CLSTN2: variants seen among roughly 807,000 people sequenced by gnomAD.
CLSTN2 encodes calsyntenin 2.
Under a neutral mutation model 101.2 loss-of-function variants are expected in CLSTN2, and 48 were observed. That is an observed-to-expected ratio of 0.47 (90% CI 0.38 to 0.60). The LOEUF (loss-of-function observed/expected upper bound fraction) is 0.60. Ranked by LOEUF, CLSTN2 falls within the 20% of genes least tolerant of loss-of-function variation. The pLI is 0.00. For missense variants in CLSTN2, 1,160 were observed against 1,238.2 expected (o/e 0.94, Z 0.95); for synonymous variants, 481 against 463.6 (o/e 1.04, Z -0.48).
In CLSTN2 at chr3:140,562,908, G is replaced by C; in HGVS notation, c.2310G>C (p.Lys770Asn). The C allele has an allele frequency of 4.3e-6, 7 of 1,614,164 alleles. No individual in the cohort carries two copies. In the South Asian group the frequency reaches 5.5e-5, roughly 13 times the overall value. Residue 770 changes from lysine (K) to asparagine (N), a missense_variant, in exon 14 of 17, where the codon AAG becomes AAC. Coordinates refer to ENST00000458420, the MANE Select transcript of CLSTN2 (RefSeq NM_022131.3). ...ASLEARRFRI[K>N]CSELNGRYTS... is the part of the protein sequence containing the mutation. ...TTGAGGCCCGGCGTTTCCGGATTAA[G>C]TGCTCAGAACTCAATGGGCGCTACA... is the stretch of plus-strand genomic sequence containing the variant.
rs528350506 is a variant in CLSTN2, at chr3:140,263,077, C to CA, written c.232+87011dup. Reference sequence around the variant, plus strand: ...AAAAAAACCCCCAAGAGCAAGCAAACAAAAAAACATTACCCAATGAGAAGA... The same window carrying CA: ...AAAAAAACCCCCAAGAGCAAGCAAACAAAAAAAACATTACCCAATGAGAAGA... On this transcript the variant is annotated intron_variant, in intron 2 of 16. Transcript: ENST00000458420. Among the ~76,000 whole-genome samples, 12 of 149,188 alleles carry CA rather than the reference C, an allele frequency of 8.0e-5. No homozygotes were observed. The South Asian group carries it at 2.4e-3, about 29-fold the overall frequency.
At chr3:140,093,746 G>A (rs1433721521) in intron 1 of CLSTN2, among the ~76,000 whole-genome samples, 5 of 152,192 alleles carry the variant, frequency 3.3e-5, no homozygotes, top group Non-Finnish European at 7.3e-5. Context: ...GGCATAAGGT[G>A]AACATGGCTA....
At chr3:140,301,897 A>G (rs1052096215) in intron 2 of CLSTN2, among the ~76,000 whole-genome samples, 1 of 151,178 alleles carries the variant, frequency 6.6e-6, no homozygotes, top group Admixed American at 6.6e-5. Flanking sequence ...TCAAACCATT[A>G]TAGTATTTTT....
intron 2 of CLSTN2, among the ~76,000 whole-genome samples, chr3:140,232,376 C>T (rs1180308776): frequency 6.6e-6 from 1 of 152,052 alleles, no homozygotes; most frequent in Middle Eastern, 3.2e-3. Flanking sequence ...CTCTCCTGAT[C>T]CTCATTCCCT....
intron 1 of CLSTN2, among the ~76,000 whole-genome samples, chr3:140,108,407 C>A (rs1206358738): frequency 6.6e-6 from 1 of 152,202 alleles, no homozygotes; most frequent in Non-Finnish European, 1.5e-5. Flanking sequence ...GCCCATGGAA[C>A]CTGGGAAGCC....
At chr3:140,251,702 A>G (rs1244181457) in intron 2 of CLSTN2, among the ~76,000 whole-genome samples, 3 of 148,048 alleles carry the variant, frequency 2.0e-5, no homozygotes, top group Non-Finnish European at 4.4e-5. Flanking sequence ...AGCCAAGCCT[A>G]TGCTTCATGC....
At chr3:140,531,400 A>G (rs1159958524) in intron 8 of CLSTN2, among the ~76,000 whole-genome samples, 1 of 152,232 alleles carries the variant, frequency 6.6e-6, no homozygotes, top group Non-Finnish European at 1.5e-5. Context: ...TTCATGAGAA[A>G]CAGCATATTT....
chr3:140,334,451 C>T (rs866622919), intron 2 of CLSTN2, among the ~76,000 whole-genome samples: 1 of 152,334 alleles, frequency 6.6e-6, no homozygotes, highest in Middle Eastern at 3.4e-3. Context: ...ATTACTAGTA[C>T]ATTTGCTTTT....
intron 2 of CLSTN2, among the ~76,000 whole-genome samples, chr3:140,220,852 G>T (rs1159071451): frequency 6.6e-6 from 1 of 152,148 alleles, no homozygotes; most frequent in Non-Finnish European, 1.5e-5. Context: ...GCCTCTATGT[G>T]CCCGGGACTG....
intron 1 of CLSTN2, among the ~76,000 whole-genome samples, chr3:139,991,700 A>G (rs1284190263): frequency 3.9e-5 from 6 of 152,370 alleles, no homozygotes; most frequent in Admixed American, 2.6e-4. Flanking sequence ...GTTGTTTCAG[A>G]TGCAAGGGAT....
chr3:140,249,878 A>C (rs2086547756), intron 2 of CLSTN2, among the ~76,000 whole-genome samples: 1 of 152,168 alleles, frequency 6.6e-6, no homozygotes, highest in Non-Finnish European at 1.5e-5. Flanking sequence ...GCTCACCAAA[A>C]ACCCCTCACT....
chr3:140,214,507 T>A (rs2010897913), intron 2 of CLSTN2, among the ~76,000 whole-genome samples: 1 of 151,650 alleles, frequency 6.6e-6, no homozygotes, highest in Non-Finnish European at 1.5e-5. Flanking sequence ...CTAGCATGAG[T>A]AGGTGATCAG....
intron 2 of CLSTN2, among the ~76,000 whole-genome samples, chr3:140,280,262 C>A (rs1322926319): frequency 6.6e-6 from 1 of 152,140 alleles, no homozygotes; most frequent in African/African-American, 2.4e-5. Flanking sequence ...ATGTTCTCTC[C>A]CGTACCCCTG....
intron 1 of CLSTN2, among the ~76,000 whole-genome samples, chr3:140,137,993 A>G (rs1001990052): frequency 6.6e-6 from 1 of 152,208 alleles, no homozygotes; most frequent in African/African-American, 2.4e-5. Flanking sequence ...TAACATGCAC[A>G]GAACCATACG....
At chr3:140,278,255 C>G (rs979727381) in intron 2 of CLSTN2, among the ~76,000 whole-genome samples, 2 of 152,184 alleles carry the variant, frequency 1.3e-5, no homozygotes, top group Admixed American at 1.3e-4. Flanking sequence ...AGCTGGTCCT[C>G]AGGGTGTTAT....
In CLSTN2 at chr3:140,568,752, G is replaced by A. The variant is rs1314545415; in HGVS notation, c.*2499G>A. 5 of 152,170 alleles carry A rather than the reference G, an allele frequency of 3.3e-5. No homozygotes were observed. The highest frequency in any genetic ancestry group is 9.7e-5 in the African/African-American group (4 of 41,450). The allele number at this position is 152,170 out of a possible 1,614,324, so 9.4% of individuals were successfully genotyped here. On this transcript the variant is annotated 3_prime_UTR_variant, in exon 17 of 17. Transcript: ENST00000458420. ...TTTTCGATCTGGTTGGGTAGGGAAG[G>A]TGTTCCTCATGCTCTCTGGGTGGCT...
At chr3:140,016,793 G>GAAAAAAAAAAAAAAAAAA (rs56040791) in intron 1 of CLSTN2, among the ~76,000 whole-genome samples, 1 of 89,284 alleles carries the variant, frequency 1.1e-5, no homozygotes, top group African/African-American at 4.6e-5. Context: ...GTGAGACTCT[G>GAAAAAAAAAAAAAAAAAA]AAAAAAAAAA....
chr3:140,333,850 C>T (rs1380064893), intron 2 of CLSTN2, among the ~76,000 whole-genome samples: 1 of 152,114 alleles, frequency 6.6e-6, no homozygotes, highest in Non-Finnish European at 1.5e-5. Context: ...GGGTGAAACA[C>T]TGACCCCAGA....
chr3:140,130,604 C>A (rs769498431), intron 1 of CLSTN2, among the ~76,000 whole-genome samples: 1 of 152,120 alleles, frequency 6.6e-6, no homozygotes, highest in African/African-American at 2.4e-5. Flanking sequence ...TAGAGGCTCA[C>A]ATTCTTCTAA....
Sources: allele counts gnomAD v4.1 joint callset (sites outside exome capture counted in the v4.1 genomes callset), GRCh38; gene constraint gnomAD v4.1.1; transcripts MANE v1.5; gene names NCBI Gene and HGNC (gene_info 2026-07-23, HGNC 2026-07-21).